Variants in PTK2 observed in about 807,000 individuals in gnomAD.
The protein encoded by PTK2 is protein tyrosine kinase 2, also known as focal adhesion kinase 1.
Under a neutral mutation model 150.1 loss-of-function variants are expected in PTK2, and 45 were observed. The observed-to-expected ratio is 0.30, with a 90% CI of 0.24 to 0.38. The LOEUF (loss-of-function observed/expected upper bound fraction) is 0.38. Ranked by LOEUF, PTK2 falls within the 10% of genes least tolerant of loss-of-function variation. The pLI is 1.00. For synonymous variants in PTK2, 432 were observed against 449.2 expected, an observed-to-expected ratio of 0.96 and a Z score of 0.48; for missense variants, 919 against 1,307.3, an observed-to-expected ratio of 0.70 and a Z score of 4.58.
chr8:140,964,547 ATTTTTTTTTTT>A (rs1025644210), intron 1 of PTK2, among the ~76,000 whole-genome samples: 3 of 76,848 alleles, frequency 3.9e-5, no homozygotes, highest in Admixed American at 1.8e-4. Flanking sequence ...GCCCCAGGTA[ATTTTTTTTTTT>A]TTTTTTTTTT....
intron 12 of PTK2, among the ~76,000 whole-genome samples, chr8:140,795,476 C>T (rs1350770581): frequency 6.6e-6 from 1 of 152,210 alleles, no homozygotes; most frequent in Non-Finnish European, 1.5e-5. Context: ...TCAGGTGCGA[C>T]TCTCTCAGTG....
At position 140,673,506 on chromosome 8, in the gene PTK2, A is replaced by C. The variant is rs1589362253; in HGVS notation, c.2709+792T>G. On this transcript the variant is annotated intron_variant, in intron 29 of 31. Transcript: ENST00000522684. ...TTTAGAGATATTAAAATGTGAATAA[A>C]AGGTATATGACAATTGAGAAATAGC... Among the ~76,000 whole-genome samples, 2 of 152,234 alleles carry C rather than the reference A, an allele frequency of 1.3e-5. 1 individual carries two copies. Among genetic ancestry groups the C allele is most frequent in the South Asian group, 4.1e-4 (2 of 4,828 alleles).
chr8:140,783,564 T>C lies in PTK2; in HGVS notation c.1177+5910A>G, dbSNP rs542261941. On this transcript the variant is annotated intron_variant, in intron 14 of 31. Coordinates refer to ENST00000522684, the Ensembl canonical transcript of PTK2. ...GTATCAGAGACCACACAGAAAGAGA[T>C]AAAATGCAGTAATTATTATAGACTA... is the stretch of plus-strand genomic sequence containing the variant. Among the ~76,000 whole-genome samples, 10 of 152,296 alleles carry C rather than the reference T, an allele frequency of 6.6e-5. No individual in the cohort carries two copies. The South Asian group carries it at 2.1e-3, about 32-fold the overall frequency.
At chr8:140,884,493 GT>G (rs1050713597) in intron 3 of PTK2, among the ~76,000 whole-genome samples, 2 of 152,092 alleles carry the variant, frequency 1.3e-5, no homozygotes, top group African/African-American at 4.8e-5. Flanking sequence ...GTTTTTAAAT[GT>G]TTTTAAACAT....
At chr8:140,721,827 T>C (rs1331610572) in intron 22 of PTK2, 1 of 152,238 alleles carries the variant, frequency 6.6e-6, no homozygotes, top group Non-Finnish European at 1.5e-5. Flanking sequence ...AAATCTTCCC[T>C]GAAGCTCCCT....
intron 1 of PTK2, among the ~76,000 whole-genome samples, chr8:140,952,509 A>G (rs896588433): frequency 6.6e-6 from 1 of 152,232 alleles, no homozygotes; most frequent in Non-Finnish European, 1.5e-5. Flanking sequence ...ACACCTAGAA[A>G]TAGATTTGGG....
chr8:140,672,436 G>A (rs2095673313), intron 29 of PTK2, among the ~76,000 whole-genome samples: 1 of 152,160 alleles, frequency 6.6e-6, no homozygotes, highest in South Asian at 2.1e-4. Flanking sequence ...GAACTGTCAG[G>A]AGGCATCCTG....
At chr8:140,934,417 T>A (rs1010714172) in intron 1 of PTK2, 2 of 151,016 alleles carry the variant, frequency 1.3e-5, no homozygotes, top group Admixed American at 6.7e-5. Flanking sequence ...AAGGAGACTT[T>A]GTCTCTAAAA....
At chr8:140,824,409 A>G (rs1455893466) in intron 8 of PTK2, among the ~76,000 whole-genome samples, 1 of 152,234 alleles carries the variant, frequency 6.6e-6, no homozygotes, top group African/African-American at 2.4e-5. Flanking sequence ...AGTAAGCTCA[A>G]GCAGCTGGAG....
chr8:140,839,864 C>A (rs888685166), intron 7 of PTK2, among the ~76,000 whole-genome samples: 1 of 151,826 alleles, frequency 6.6e-6, no homozygotes, highest in Non-Finnish European at 1.5e-5. Context: ...AAAAAGAAAT[C>A]GAAGCACAAG....
At chr8:140,827,310 C>T (rs560853710) in intron 8 of PTK2, among the ~76,000 whole-genome samples, 1 of 152,038 alleles carries the variant, frequency 6.6e-6, no homozygotes, top group Non-Finnish European at 1.5e-5. Flanking sequence ...ACAGAGAGGG[C>T]TCGCTGTTTC....
rs1213931680 is a variant in PTK2 at position 140,762,335 on chromosome 8, G to A, written c.1235-1073C>T. 3.5e-6 allele frequency: 4 copies of A among 1,146,164 alleles called. No homozygotes were observed. The African/African-American group carries it at 5.1e-5, about 14-fold the overall frequency. 71.0% of individuals were successfully genotyped at this position (1,146,164 alleles called of 1,614,324 possible). Reference sequence around the variant, plus strand: ...ATCACTCCACAGGTTGCAATTGCAAGCAAATGCAGTTAATTTAAAGGAATC... The same window carrying A: ...ATCACTCCACAGGTTGCAATTGCAAACAAATGCAGTTAATTTAAAGGAATC... On this transcript the variant is annotated intron_variant, in intron 15 of 31. Transcript: ENST00000522684.
chr8:140,861,216 G>A (rs2100135876), intron 5 of PTK2, among the ~76,000 whole-genome samples: 1 of 152,048 alleles, frequency 6.6e-6, no homozygotes, highest in African/African-American at 2.4e-5. Flanking sequence ...AGGCATCATG[G>A]CACGCACCTG....
chr8:140,668,717 C>T (rs2093867393), intron 29 of PTK2: 2 of 247,204 alleles, frequency 8.1e-6, no homozygotes, highest in African/African-American at 2.3e-5. Context: ...ATTCAATGTC[C>T]CCTCACCCCA....
At chr8:140,913,532 G>A (rs1163520937) in intron 2 of PTK2, among the ~76,000 whole-genome samples, 3 of 152,094 alleles carry the variant, frequency 2.0e-5, no homozygotes, top group Non-Finnish European at 2.9e-5. Context: ...CTGGCCTTAC[G>A]CAATCTGCCC....
At chr8:140,686,298 T>C (rs1449818082) in intron 27 of PTK2, among the ~76,000 whole-genome samples, 1 of 152,080 alleles carries the variant, frequency 6.6e-6, no homozygotes, top group East Asian at 1.9e-4. Flanking sequence ...ACCTATCAGG[T>C]ATTATGCTTA....
rs191287410 is a variant in PTK2 at position 140,895,228 on chromosome 8, A to G, written c.-32-4459T>C. On this transcript the variant is annotated intron_variant, in intron 2 of 31. Coordinates refer to ENST00000522684, the Ensembl canonical transcript of PTK2. ...TGAATGTAGACAGAGCTATACTTAGAGTAAAATCTATACATTTGGCAGGGC... is the reference window on the plus strand; with the variant it reads ...TGAATGTAGACAGAGCTATACTTAGGGTAAAATCTATACATTTGGCAGGGC... Among the ~76,000 whole-genome samples, 333 of 152,330 alleles carry G rather than the reference A, an allele frequency of 2.2e-3. 3 individuals carry two copies. The highest frequency in any genetic ancestry group is 6.7e-3 in the African/African-American group (280 of 41,570).
chr8:140,867,380 CCA>C (rs956449122), intron 4 of PTK2, among the ~76,000 whole-genome samples: 7 of 152,114 alleles, frequency 4.6e-5, no homozygotes, highest in African/African-American at 1.7e-4. Flanking sequence ...TCCCTAGATC[CCA>C]CAGCTATTTA....
chr8:140,918,864 G>A (rs1476099411), intron 2 of PTK2, among the ~76,000 whole-genome samples: 2 of 152,132 alleles, frequency 1.3e-5, no homozygotes, highest in Non-Finnish European at 1.5e-5. Flanking sequence ...TTATCTACAA[G>A]TTGTAACTTT....
Sources: allele counts gnomAD v4.1 joint callset (sites outside exome capture counted in the v4.1 genomes callset), GRCh38; gene constraint gnomAD v4.1.1; transcripts MANE v1.5; gene names NCBI Gene and HGNC (gene_info 2026-07-23, HGNC 2026-07-21).